FBXW11: variants seen among roughly 807,000 people sequenced by gnomAD.
FBXW11 encodes F-box and WD repeat domain containing 11, also known as F-box/WD repeat-containing protein 11.
A neutral mutation model predicts 77.6 loss-of-function variants in FBXW11; 19 were observed. The ratio of observed to expected loss-of-function variants is 0.24; its 90% CI spans 0.17 to 0.36. The LOEUF is 0.36. Among genes scored for constraint, FBXW11 ranks in the 10% least tolerant of loss-of-function variants. FBXW11 has a pLI of 1.00. For missense variants in FBXW11, 334 were observed against 704.2 expected (o/e 0.47, Z 5.95); for synonymous variants, 235 against 249.4 (o/e 0.94, Z 0.54).
At chr5:171,935,094 C>T (rs1003502388) in intron 2 of FBXW11, among the ~76,000 whole-genome samples, 2 of 152,216 alleles carry the variant, frequency 1.3e-5, no homozygotes, top group Non-Finnish European at 2.9e-5. Context: ...GCTGGGACTA[C>T]AGGCGCCTGC....
intron 6 of FBXW11, 139 bp downstream of exon 6, chr5:171,898,865 C>A (rs1375330164): frequency 6.1e-6 from 3 of 489,166 alleles, no homozygotes; most frequent in Non-Finnish European, 1.1e-5. Context: ...TACAACATGA[C>A]ACATTTACTC....
At chr5:171,871,008 T>C in intron 10 of FBXW11, 150 bp from the exon 11 acceptor site, 1 of 583,486 alleles carries the variant, frequency 1.7e-6, no homozygotes, top group South Asian at 2.3e-5. Flanking sequence ...ACCACACATA[T>C]AAAGCTGTAT....
At chr5:171,866,531 C>T (rs1262675192) in intron 13 of FBXW11, among the ~76,000 whole-genome samples, 4 of 152,140 alleles carry the variant, frequency 2.6e-5, no homozygotes, top group African/African-American at 9.7e-5. Flanking sequence ...CTTTCTACCA[C>T]AGCCAATAAG....
chr5:171,863,263 T>C lies in FBXW11; in HGVS notation c.*864A>G, dbSNP rs775015564. The C allele has an allele frequency of 4.6e-5, 7 of 152,748 alleles. No individual in the cohort carries two copies. Among genetic ancestry groups the C allele is most frequent in the African/African-American group, 7.2e-5 (3 of 41,458 alleles). The allele number at this position is 152,748 out of a possible 1,614,324, so 9.5% of individuals were successfully genotyped here. On this transcript the variant is annotated 3_prime_UTR_variant, in exon 14 of 14. Transcript: ENST00000517395. ...GTATCAGGTTCTTGAGCCCAGCCCA[T>C]GGCTAAGTGCGAACACACTCTGTAT... is the stretch of plus-strand genomic sequence containing the variant.
chr5:171,937,116 C>A (rs1179473961), intron 2 of FBXW11, among the ~76,000 whole-genome samples: 1 of 152,148 alleles, frequency 6.6e-6, no homozygotes, highest in Non-Finnish European at 1.5e-5. Context: ...ACTCAACATT[C>A]GAAAGATGAC....
chr5:171,942,917 C>T (rs1762823414), intron 2 of FBXW11, among the ~76,000 whole-genome samples: 1 of 151,946 alleles, frequency 6.6e-6, no homozygotes, highest in South Asian at 2.1e-4. Context: ...ACCAGATGCC[C>T]TGGGCAATGT....
At chr5:171,960,373 TCAA>T (rs1299218034) in intron 1 of FBXW11, among the ~76,000 whole-genome samples, 4 of 152,252 alleles carry the variant, frequency 2.6e-5, no homozygotes, top group South Asian at 2.1e-4. Flanking sequence ...AGATCCTGTC[TCAA>T]CAACAACAAC....
At chr5:171,954,816 C>G (rs974073879) in intron 2 of FBXW11, among the ~76,000 whole-genome samples, 1 of 152,094 alleles carries the variant, frequency 6.6e-6, no homozygotes, top group Non-Finnish European at 1.5e-5. Flanking sequence ...ATATTAATAA[C>G]TAAACAAACC....
chr5:171,987,137 T>C (rs1765489759), intron 1 of FBXW11, among the ~76,000 whole-genome samples: 1 of 152,192 alleles, frequency 6.6e-6, no homozygotes, highest in Non-Finnish European at 1.5e-5. Context: ...GCCTGGTCTG[T>C]GGAAAAACTG....
At chr5:171,936,353 T>C (rs568619057) in intron 2 of FBXW11, among the ~76,000 whole-genome samples, 2 of 151,484 alleles carry the variant, frequency 1.3e-5, no homozygotes, top group Admixed American at 1.3e-4. Flanking sequence ...TAGCCAGATG[T>C]GGTAGCCCGC....
intron 7 of FBXW11, among the ~76,000 whole-genome samples, chr5:171,888,928 G>C (rs1234281006): frequency 1.3e-5 from 2 of 152,126 alleles, no homozygotes; most frequent in Non-Finnish European, 2.9e-5. Context: ...GAGATGAAGA[G>C]ATGAAAAATT....
At chr5:171,909,074 C>G (rs1001060719) in intron 4 of FBXW11, among the ~76,000 whole-genome samples, 2 of 152,288 alleles carry the variant, frequency 1.3e-5, no homozygotes, top group East Asian at 3.9e-4. Context: ...AGTGAAATCT[C>G]TATATCTTAC....
intron 2 of FBXW11, among the ~76,000 whole-genome samples, chr5:171,942,134 T>C (rs536340300): frequency 1.3e-5 from 2 of 151,648 alleles, no homozygotes; most frequent in East Asian, 3.9e-4. Flanking sequence ...GCTTCTCTCA[T>C]GCTGTAATAT....
At chr5:171,949,650 C>T (rs1189913494) in intron 2 of FBXW11, among the ~76,000 whole-genome samples, 1 of 151,694 alleles carries the variant, frequency 6.6e-6, no homozygotes, top group Non-Finnish European at 1.5e-5. Flanking sequence ...TAAATAAGGC[C>T]ATCATTAGAA....
chr5:171,871,069 C>A (rs1162336357), intron 10 of FBXW11, among the ~76,000 whole-genome samples: 1 of 152,168 alleles, frequency 6.6e-6, no homozygotes, highest in Non-Finnish European at 1.5e-5. Context: ...TAGGAAGAAG[C>A]CTTACTTTTT....
intron 2 of FBXW11, among the ~76,000 whole-genome samples, chr5:171,940,006 T>C (rs1171935971): frequency 6.6e-6 from 1 of 152,218 alleles, no homozygotes; most frequent in Non-Finnish European, 1.5e-5. Flanking sequence ...TAAATAGTTG[T>C]TCTACTGTAT....
chr5:171,996,978 A>G (rs772324124), intron 1 of FBXW11: 2 of 1,289,832 alleles, frequency 1.6e-6, no homozygotes, highest in Non-Finnish European at 2.0e-6. Flanking sequence ...ACAGCAGTCA[A>G]GCATCTTCCA....
chr5:171,890,285 C>T (rs941702606), intron 7 of FBXW11, among the ~76,000 whole-genome samples: 2 of 152,078 alleles, frequency 1.3e-5, no homozygotes, highest in Non-Finnish European at 2.9e-5. Flanking sequence ...AATCCCCGCA[C>T]TTTGGGGCAG....
chr5:171,981,699 A>C (rs1474701109), intron 1 of FBXW11, among the ~76,000 whole-genome samples: 1 of 152,220 alleles, frequency 6.6e-6, no homozygotes, highest in African/African-American at 2.4e-5. Flanking sequence ...TCCACTACTA[A>C]GTATACCCAA....
Sources: allele counts gnomAD v4.1 joint callset (sites outside exome capture counted in the v4.1 genomes callset), GRCh38; gene constraint gnomAD v4.1.1; transcripts MANE v1.5; gene names NCBI Gene and HGNC (gene_info 2026-07-23, HGNC 2026-07-21).